Variants in RBFOX3 observed in about 807,000 individuals in gnomAD.
RBFOX3 encodes the protein RNA binding fox-1 homolog 3, also known as RNA binding protein fox-1 homolog 3.
In RBFOX3, 17 loss-of-function variants were observed where a neutral mutation model predicts 48.7. The observed-to-expected ratio is 0.35, with a 90% CI of 0.24 to 0.52. RBFOX3 has a LOEUF of 0.52. Ranked by LOEUF, RBFOX3 falls within the 20% of genes least tolerant of loss-of-function variation. The probability of loss-of-function intolerance (pLI) is 0.94; values close to 1 mark genes in which losing one functional copy is unlikely to be tolerated. For missense variants in RBFOX3, 382 were observed against 497.5 expected, an observed-to-expected ratio of 0.77 and a Z score of 2.21; for synonymous variants, 212 against 209.5, an observed-to-expected ratio of 1.01 and a Z score of -0.10.
At chr17:79,540,715 G>A (rs1340626636) in intron 1 of RBFOX3, among the ~76,000 whole-genome samples, 1 of 152,238 alleles carries the variant, frequency 6.6e-6, no homozygotes, top group Non-Finnish European at 1.5e-5. Context: ...GCCTCCGCCA[G>A]GTTGTGGGTT....
intron 4 of RBFOX3, among the ~76,000 whole-genome samples, chr17:79,190,595 C>A (rs926177383): frequency 1.3e-5 from 2 of 152,120 alleles, no homozygotes; most frequent in African/African-American, 4.8e-5. Context: ...AAGCTCTCCA[C>A]TGGGGGAGAC....
intron 4 of RBFOX3, among the ~76,000 whole-genome samples, chr17:79,168,203 C>T (rs1349383843): frequency 1.3e-5 from 2 of 152,298 alleles, no homozygotes; most frequent in South Asian, 2.1e-4. Flanking sequence ...ACCGGCAGGG[C>T]CCTAAAGAGG....
chr17:79,501,193 G>A (rs1323322118), intron 1 of RBFOX3, among the ~76,000 whole-genome samples: 1 of 152,220 alleles, frequency 6.6e-6, no homozygotes, highest in Admixed American at 6.5e-5. Context: ...CTTCCTCCGA[G>A]CCGCTAAATG....
Position 79,290,123 on chromosome 17 carries a change from G to A in RBFOX3, c.-74+17601C>T, listed in dbSNP as rs150821275. On this transcript the variant is annotated intron_variant, in intron 3 of 14. Transcript: ENST00000693108. The stretch of plus-strand genomic sequence containing the variant: ...AGGGCAGGCAGGTGGTGGGAGACAA[G>A]CACATGCTGTAGGGGGGTCCTCACA... Among the ~76,000 whole-genome samples, 9 of 152,142 alleles carry A rather than the reference G, an allele frequency of 5.9e-5. No homozygotes were observed. The East Asian group carries it at 1.8e-3, about 30-fold the overall frequency.
intron 2 of RBFOX3, among the ~76,000 whole-genome samples, chr17:79,433,980 G>A (rs2068934324): frequency 6.6e-6 from 1 of 152,178 alleles, no homozygotes; most frequent in African/African-American, 2.4e-5. Context: ...CAGCACTAGA[G>A]GAAGCACCTC....
intron 1 of RBFOX3, among the ~76,000 whole-genome samples, chr17:79,573,970 C>T (rs2092771915): frequency 1.3e-5 from 2 of 152,228 alleles, no homozygotes; most frequent in African/African-American, 2.4e-5. Flanking sequence ...ACAGAAACTC[C>T]AGCGTCTCCA....
At chr17:79,278,741 C>T (rs1487671741) in intron 3 of RBFOX3, among the ~76,000 whole-genome samples, 1 of 152,254 alleles carries the variant, frequency 6.6e-6, no homozygotes, top group African/African-American at 2.4e-5. Context: ...GACGAAGATG[C>T]ATCCACATGC....
At chr17:79,100,374 A>G (rs1325084740) in intron 9 of RBFOX3, 1 of 152,200 alleles carries the variant, frequency 6.6e-6, no homozygotes, top group African/African-American at 2.4e-5. Flanking sequence ...AAGTGGGAAC[A>G]CTCCCAAATT....
intron 4 of RBFOX3, among the ~76,000 whole-genome samples, chr17:79,229,186 G>A (rs2060691504): frequency 7.5e-6 from 1 of 132,974 alleles, no homozygotes; most frequent in African/African-American, 2.9e-5. Flanking sequence ...CCGAGACTGT[G>A]CCATCGCACT....
At chr17:79,415,786 G>A (rs746543042) in intron 2 of RBFOX3, among the ~76,000 whole-genome samples, 134 of 152,134 alleles carry the variant, frequency 8.8e-4, no homozygotes, top group Non-Finnish European at 1.4e-3. Flanking sequence ...GAGTCTGTGT[G>A]GGTCATAAGG....
At chr17:79,620,585 G>A in the RBFOX3 span, among the ~76,000 whole-genome samples, 85 of 131,948 alleles carry the variant, frequency 6.4e-4, 1 homozygote, top group African/African-American at 2.0e-3. Context: ...ACACACGCAC[G>A]CACACACACG....
In RBFOX3 at chr17:79,396,436, C is replaced by T. The variant is rs182843566; in HGVS notation, c.-175+86018G>A. Among the ~76,000 whole-genome samples, 11 of 152,298 alleles carry T rather than the reference C, an allele frequency of 7.2e-5. No individual in the cohort carries two copies. The East Asian group carries it at 1.5e-3, about 21-fold the overall frequency. On this transcript the variant is annotated intron_variant, in intron 2 of 14. Coordinates refer to ENST00000693108, the MANE Select transcript of RBFOX3 (RefSeq NM_001350451.2). ...CCTAAGGAAAAGGGGCTCCCCACTC[C>T]CTGAAATAAACCTCTGTCTTCTCCA...
At chr17:79,499,911 C>T (rs1388236256) in intron 1 of RBFOX3, among the ~76,000 whole-genome samples, 5 of 152,332 alleles carry the variant, frequency 3.3e-5, no homozygotes, top group South Asian at 2.1e-4. Context: ...CTTTGCCATG[C>T]GATTTTGCAG....
chr17:79,252,795 T>G lies in RBFOX3; in HGVS notation c.-73-16990A>C, dbSNP rs1187663515. ...TCTCCTTTCCCTTCCTTTTTGGGTC[T>G]TCATGTCCACAGAGAGTGAGGCGTG... On this transcript the variant is annotated intron_variant, in intron 3 of 14. Coordinates refer to ENST00000693108, the MANE Select transcript of RBFOX3 (RefSeq NM_001350451.2). This position sits in a 1 kb window ranked among gnomAD's most constrained non-coding sequence, Gnocchi z 4.0. Among the ~76,000 whole-genome samples the G allele has an allele frequency of 2.0e-5, 3 of 152,168 alleles. No individual in the cohort carries two copies. The highest frequency in any genetic ancestry group is 7.2e-5 in the African/African-American group (3 of 41,440).
At position 79,515,332 on chromosome 17, in the gene RBFOX3, T is replaced by C. The variant is rs942396154; in HGVS notation, c.-319-32734A>G. On this transcript the variant is annotated intron_variant, in intron 1 of 14. Transcript: ENST00000693108. ...CAGCCTACAGCTGGGAGACAGCACA[T>C]GGCCCAGGGCCCAGTGATCCAGCCA... 2.3e-3 allele frequency among the ~76,000 whole-genome samples: 355 copies of C among 152,218 alleles called. 2 individuals carry two copies. The highest frequency in any genetic ancestry group is 8.2e-3 in the African/African-American group (339 of 41,532).
chr17:79,283,060 G>A (rs2070958895), intron 3 of RBFOX3, among the ~76,000 whole-genome samples: 2 of 152,168 alleles, frequency 1.3e-5, no homozygotes, highest in Admixed American at 6.5e-5. Context: ...AGGCAGGCCT[G>A]GAAAGTTTTC....
intron 3 of RBFOX3, among the ~76,000 whole-genome samples, chr17:79,295,512 A>G (rs2074193397): frequency 6.6e-6 from 1 of 152,212 alleles, no homozygotes; most frequent in African/African-American, 2.4e-5. Context: ...AGGGAAGGGC[A>G]GGGGCTTCCC....
intron 1 of RBFOX3, among the ~76,000 whole-genome samples, chr17:79,570,424 G>T (rs2092632572): frequency 6.6e-6 from 1 of 151,964 alleles, no homozygotes; most frequent in South Asian, 2.1e-4. Context: ...GATTATAGGT[G>T]GATAGATGGG....
In RBFOX3 at chr17:79,596,892, G is replaced by A. The variant is rs935905060; in HGVS notation, c.-320+13934C>T. 1.4e-3 allele frequency among the ~76,000 whole-genome samples: 220 copies of A among 152,294 alleles called. 2 individuals are homozygous for A. The South Asian group carries it at 0.025, about 17-fold the overall frequency. ...CGTCAGTACGTCCCACTTGCTCACC[G>A]CCTTAGATACACCCAGTGATAACCT... On this transcript the variant is annotated intron_variant, in intron 1 of 14. Coordinates refer to ENST00000693108, the MANE Select transcript of RBFOX3 (RefSeq NM_001350451.2).
Sources: allele counts gnomAD v4.1 joint callset (sites outside exome capture counted in the v4.1 genomes callset), GRCh38; gene constraint gnomAD v4.1.1; non-coding constraint Gnocchi (gnomAD v3.1); transcripts MANE v1.5; gene names NCBI Gene and HGNC (gene_info 2026-07-23, HGNC 2026-07-21).